Variants in SLC26A5 observed in about 807,000 individuals in gnomAD.
SLC26A5 encodes solute carrier family 26 member 5.
In SLC26A5, 51 loss-of-function variants were observed where a neutral mutation model predicts 81.0. The observed-to-expected ratio is 0.63, with a 90% CI of 0.50 to 0.80. The LOEUF is 0.80. Among genes scored for constraint, SLC26A5 ranks in the 30% least tolerant of loss-of-function variants. The pLI is 0.00. For missense variants in SLC26A5, 771 were observed against 905.8 expected, an observed-to-expected ratio of 0.85 and a Z score of 1.91; for synonymous variants, 325 against 332.8, an observed-to-expected ratio of 0.98 and a Z score of 0.25.
At chr7:103,392,426 A>T (rs1178422164) in intron 10 of SLC26A5, among the ~76,000 whole-genome samples, 1 of 152,236 alleles carries the variant, frequency 6.6e-6, no homozygotes, top group African/African-American at 2.4e-5. Context: ...AACGCCCTGG[A>T]AAAACATTTA....
chr7:103,391,248 G>A (rs750164672), intron 11 of SLC26A5, among the ~76,000 whole-genome samples: 2 of 152,212 alleles, frequency 1.3e-5, no homozygotes, highest in African/African-American at 2.4e-5. Flanking sequence ...TGTTGCTAGT[G>A]GCTGCCATAT....
At chr7:103,404,137 C>G (rs945259556) in intron 8 of SLC26A5, among the ~76,000 whole-genome samples, 1 of 151,950 alleles carries the variant, frequency 6.6e-6, no homozygotes, top group Non-Finnish European at 1.5e-5. Context: ...GAACCGAGAT[C>G]GCACCATTGC....
At chr7:103,354,736 A>C in intron 19 of SLC26A5, 3 of 612,332 alleles carry the variant, frequency 4.9e-6, no homozygotes, top group Non-Finnish European at 8.7e-6. Flanking sequence ...TGGGTCAGGA[A>C]TACCTCTCTA....
intron 4 of SLC26A5, among the ~76,000 whole-genome samples, chr7:103,413,605 T>C (rs1422288657): frequency 2.6e-5 from 4 of 152,100 alleles, no homozygotes; most frequent in Non-Finnish European, 5.9e-5. Flanking sequence ...GGCTGGTGTA[T>C]GCTCATCCTG....
chr7:103,439,849 T>C (rs980527811), intron 2 of SLC26A5, among the ~76,000 whole-genome samples: 1 of 152,212 alleles, frequency 6.6e-6, no homozygotes, highest in African/African-American at 2.4e-5. Context: ...TGCTGTTTTA[T>C]GAACATGCCA....
At chr7:103,383,114 A>C (rs1281593573) in intron 14 of SLC26A5, among the ~76,000 whole-genome samples, 2 of 152,214 alleles carry the variant, frequency 1.3e-5, no homozygotes, top group Admixed American at 1.3e-4. Context: ...CAATCTAGTG[A>C]TATCTGTGGA....
intron 2 of SLC26A5, among the ~76,000 whole-genome samples, chr7:103,437,961 G>A (rs960746134): frequency 6.6e-6 from 1 of 152,214 alleles, no homozygotes; most frequent in Non-Finnish European, 1.5e-5. Context: ...TTATTAAAAT[G>A]TAGTTTCAAG....
chr7:103,443,487 C>A (rs1372944378), intron 1 of SLC26A5, among the ~76,000 whole-genome samples: 1 of 152,128 alleles, frequency 6.6e-6, no homozygotes, highest in Non-Finnish European at 1.5e-5. Context: ...TTCATGAATA[C>A]AAGTTTGCAT....
At chr7:103,362,651 G>T (rs1820476712) in intron 19 of SLC26A5, 1 of 1,552,900 alleles carries the variant, frequency 6.4e-7, no homozygotes, top group African/African-American at 1.4e-5. Flanking sequence ...AAAGCTTAAA[G>T]AATGTATTAA....
At chr7:103,427,183 C>T (rs1218229122) in intron 2 of SLC26A5, among the ~76,000 whole-genome samples, 1 of 151,234 alleles carries the variant, frequency 6.6e-6, no homozygotes, top group Non-Finnish European at 1.5e-5. Context: ...AAGCGATTTT[C>T]CTGCCTCAGC....
intron 19 of SLC26A5, among the ~76,000 whole-genome samples, chr7:103,375,962 A>G (rs1289479594): frequency 6.7e-6 from 1 of 149,492 alleles, no homozygotes; most frequent in East Asian, 2.0e-4. Context: ...TCACCGTGTT[A>G]GCCAAGATGG....
At chr7:103,381,308 A>C (rs1249033109) in intron 14 of SLC26A5, among the ~76,000 whole-genome samples, 2 of 151,368 alleles carry the variant, frequency 1.3e-5, no homozygotes, top group Non-Finnish European at 3.0e-5. Flanking sequence ...ACATCTACAC[A>C]TAATGCATGT....
chr7:103,374,658 G>T, intron 19 of SLC26A5, 66 bp from the exon 20 acceptor site: 5 of 1,391,890 alleles, frequency 3.6e-6, no homozygotes, highest in Non-Finnish European at 4.0e-6. Flanking sequence ...TTAAAAAAAA[G>T]TAACACTTCC....
intron 9 of SLC26A5, among the ~76,000 whole-genome samples, chr7:103,395,042 C>T (rs1822973655): frequency 6.6e-6 from 1 of 152,188 alleles, no homozygotes; most frequent in Admixed American, 6.5e-5. Context: ...TTGGATCCTC[C>T]AACACTAGTC....
chr7:103,406,668 T>C (rs1035880924), intron 8 of SLC26A5, among the ~76,000 whole-genome samples: 1 of 152,134 alleles, frequency 6.6e-6, no homozygotes, highest in African/African-American at 2.4e-5. Context: ...ACTCTTCATT[T>C]CTTTTGAGAC....
intron 2 of SLC26A5, among the ~76,000 whole-genome samples, chr7:103,439,057 A>G (rs1440275268): frequency 6.6e-6 from 1 of 152,212 alleles, no homozygotes; most frequent in Non-Finnish European, 1.5e-5. Context: ...TACATTTTGC[A>G]TAAGTTTATT....
At chr7:103,423,874 AGAT>A (rs1825536486) in intron 2 of SLC26A5, among the ~76,000 whole-genome samples, 1 of 152,228 alleles carries the variant, frequency 6.6e-6, no homozygotes, top group South Asian at 2.1e-4. Context: ...TGAGAAATAA[AGAT>A]GATATGTTTT....
intron 19 of SLC26A5, chr7:103,364,106 A>G: frequency 1.3e-5 from 21 of 1,591,928 alleles, no homozygotes; most frequent in Non-Finnish European, 1.8e-5. Context: ...TTTGTTATAC[A>G]GAAGTGGTAA....
downstream of SLC26A5, among the ~76,000 whole-genome samples, chr7:103,371,058 A>G (rs1308152627): frequency 2.6e-5 from 4 of 152,240 alleles, no homozygotes; most frequent in African/African-American, 9.6e-5. Flanking sequence ...TGAAAGCCAG[A>G]GACGAGACTG....
Sources: allele counts gnomAD v4.1 joint callset (sites outside exome capture counted in the v4.1 genomes callset), GRCh38; gene constraint gnomAD v4.1.1; transcripts MANE v1.5; gene names NCBI Gene and HGNC (gene_info 2026-07-23, HGNC 2026-07-21).